The following B4GALT7 variants were observed in gnomAD, a reference collection of about 807,000 sequenced individuals.
B4GALT7 encodes beta-1,4-galactosyltransferase 7.
In B4GALT7, 30 loss-of-function variants were observed where a neutral mutation model predicts 33.0. The ratio of observed to expected loss-of-function variants is 0.91; its 90% CI spans 0.68 to 1.23. B4GALT7 has a LOEUF of 1.23. Among genes scored for constraint, B4GALT7 ranks in the 50% most tolerant of loss-of-function variants. B4GALT7 has a pLI of 0.00. For synonymous variants in B4GALT7, 213 were observed against 187.2 expected, an observed-to-expected ratio of 1.14 and a Z score of -1.13; for missense variants, 507 against 450.8, an observed-to-expected ratio of 1.12 and a Z score of -1.13.
Position 177,606,773 on chromosome 5 carries a change from C to A in B4GALT7, c.414-529C>A. The A allele has an allele frequency of 3.9e-6, 1 of 255,824 alleles. No individual in the cohort carries two copies. The highest frequency in any genetic ancestry group is 7.8e-6 in the Non-Finnish European group (1 of 128,742). The allele number at this position is 255,824 out of a possible 1,614,324, so 15.8% of individuals were successfully genotyped here. ...CACCCCCAACATCCCCACCTCTGCC[C>A]TCGCCCTGCCCAGCTGCCCGTTGGT... On this transcript the variant is annotated intron_variant, in intron 2 of 5. Transcript: ENST00000029410. This position sits in a 1 kb window ranked among gnomAD's most constrained non-coding sequence, Gnocchi z 4.2.
intron 2 of B4GALT7, 166 bp from the exon 3 acceptor site, chr5:177,607,136 G>T (rs1048879998): frequency 2.5e-5 from 17 of 687,674 alleles, no homozygotes; most frequent in East Asian, 1.4e-4. Flanking sequence ...CACATAGTGG[G>T]TGCTTAGTAA....
In B4GALT7 at chr5:177,600,799, C is replaced by T. The variant is rs1196477416; in HGVS notation, c.50+539C>T. Among the ~76,000 whole-genome samples the T allele has an allele frequency of 6.6e-6, 1 of 152,134 alleles. No homozygotes were observed. Among genetic ancestry groups the T allele is most frequent in the African/African-American group, 2.4e-5 (1 of 41,432 alleles). On this transcript the variant is annotated intron_variant, in intron 1 of 5. Coordinates refer to ENST00000029410, the MANE Select transcript of B4GALT7 (RefSeq NM_007255.3). This position sits in a 1 kb window ranked among gnomAD's most constrained non-coding sequence, Gnocchi z 4.4. ...ACACTTCCCCCCATCCTTCGCAGGC[C>T]ACCAGCAGAACCCACCAGACAGAAG...
chr5:177,605,613 T>C (rs113576316), intron 2 of B4GALT7, among the ~76,000 whole-genome samples: 4,058 of 152,306 alleles, frequency 0.027, 87 homozygotes, highest in Admixed American at 0.041. Context: ...CTGTCCGGGC[T>C]GACTCCCACC....
At position 177,604,090 on chromosome 5, in the gene B4GALT7, G is replaced by T. The variant is rs994046671; in HGVS notation, c.51-89G>T. ...GGTGCTTGGGGTAGACGAGTTATGT[G>T]CAGCCTCCTCGTGGGGAGGCCAGAG... On this transcript the variant is annotated intron_variant, in intron 1 of 5. Coordinates refer to ENST00000029410, the MANE Select transcript of B4GALT7 (RefSeq NM_007255.3). 1.0e-5 allele frequency: 16 copies of T among 1,577,682 alleles called. No individual in the cohort carries two copies. In the Admixed American group the frequency reaches 2.0e-4, roughly 20 times the overall value.
At chr5:177,607,926 A>G in intron 3 of B4GALT7, 1 of 301,492 alleles carries the variant, frequency 3.3e-6, no homozygotes, top group Non-Finnish European at 6.4e-6. Context: ...GGCTGGTGGG[A>G]GATGGGGCCC....
At chr5:177,602,615 A>G (rs1767874984) in intron 1 of B4GALT7, among the ~76,000 whole-genome samples, 1 of 152,126 alleles carries the variant, frequency 6.6e-6, no homozygotes, top group African/African-American at 2.4e-5. Flanking sequence ...TTCAGGCAGA[A>G]GGAGCAGGCT....
chr5:177,601,337 G>A (rs1163474029), intron 1 of B4GALT7: 1 of 152,206 alleles, frequency 6.6e-6, no homozygotes, highest in Non-Finnish European at 1.5e-5. Context: ...GCAGGGCTGT[G>A]TGAGGATTAA....
rs1768072622 is a variant in B4GALT7 at position 177,608,348 on chromosome 5, C to T, written c.640-191C>T. ...GTGAGCCTCTCACACAGGTTCAAGG[C>T]CCCGTGAGAACGGGAGAGGGCCCGG... On this transcript the variant is annotated intron_variant, in intron 3 of 5. Coordinates refer to ENST00000029410, the MANE Select transcript of B4GALT7 (RefSeq NM_007255.3). The surrounding 1 kb of genome is among the most constrained non-coding windows in gnomAD (Gnocchi z 4.1). 2 of 599,564 alleles carry T rather than the reference C, an allele frequency of 3.3e-6. No homozygotes were observed. Among genetic ancestry groups the T allele is most frequent in the Admixed American group, 5.6e-5 (2 of 35,496 alleles). The allele number at this position is 599,564 out of a possible 1,614,324, so 37.1% of individuals were successfully genotyped here. A position where few individuals can be genotyped will look rare whatever the true frequency, so the allele number is the denominator to read the frequency against.
At position 177,609,996 on chromosome 5, in the gene B4GALT7, T is replaced by A; in HGVS notation, c.*301T>A. On this transcript the variant is annotated 3_prime_UTR_variant, in exon 6 of 6. Coordinates refer to ENST00000029410, the MANE Select transcript of B4GALT7 (RefSeq NM_007255.3). ...GACCTCCTTCACGTGCCCAGGCCTG[T>A]GGGTAGTGGGGAGGGCTGAACAGGA... The A allele has an allele frequency of 2.2e-6, 1 of 461,414 alleles. No homozygotes were observed. The highest frequency in any genetic ancestry group is 4.0e-6 in the Non-Finnish European group (1 of 248,244). The allele number at this position is 461,414 out of a possible 1,614,324, so 28.6% of individuals were successfully genotyped here.
intron 1 of B4GALT7, chr5:177,602,825 G>A (rs1489759661): frequency 1.0e-6 from 1 of 983,814 alleles, no homozygotes; most frequent in African/African-American, 1.7e-5. Flanking sequence ...TCTGAGCAGG[G>A]CAAGGAACAG....
chr5:177,608,574 C>T lies in B4GALT7; in HGVS notation c.675C>T (p.Gly225=). The stretch of plus-strand genomic sequence containing the variant: ...TGTCCAACCGCTTCTGGGGCTGGGG[C>T]CGCGAGGACGACGAGTTCTACCGGC... The part of the protein sequence containing the change: ...NGMSNRFWGW[G]REDDEFYRRI... The change falls in exon 4 of 6, where the codon GGC becomes GGT. Residue 225 remains glycine (G), a synonymous_variant. Transcript: ENST00000029410. The surrounding 1 kb of genome is among the most constrained non-coding windows in gnomAD (Gnocchi z 4.1). 6.2e-7 allele frequency: 1 copy of T among 1,613,612 alleles called. No homozygotes were observed. The highest frequency in any genetic ancestry group is 8.5e-7 in the Non-Finnish European group (1 of 1,179,958).
At chr5:177,604,603 C>T in intron 2 of B4GALT7, 62 bp downstream of exon 2, 1 of 1,605,910 alleles carries the variant, frequency 6.2e-7, no homozygotes, top group African/African-American at 1.3e-5. Flanking sequence ...TTCTCAGGCC[C>T]TGTGAGAGGC....
Position 177,604,489 on chromosome 5 carries a change from A to T in B4GALT7, c.361A>T (p.Arg121Trp). The T allele has an allele frequency of 6.2e-7, 1 of 1,613,988 alleles. No homozygotes were observed. Among genetic ancestry groups the T allele is most frequent in the South Asian group, 1.1e-5 (1 of 91,090 alleles). Residue 121 changes from arginine to tryptophan, a missense_variant, in exon 2 of 6, where the codon AGG (arginine) becomes TGG (tryptophan). Physicochemically the swap from Arg to Trp is moderately radical, Grantham distance 101. Transcript: ENST00000029410. Reference sequence around the variant, plus strand: ...GCCCCACATGCGCCGCTTCCTGAGCAGGAAGAAGATCCGGCACCACATCTA... The same window carrying T: ...GCCCCACATGCGCCGCTTCCTGAGCTGGAAGAAGATCCGGCACCACATCTA... ...FVPHMRRFLS[R>W]KKIRHHIYVL... is the part of the protein sequence containing the mutation.
intron 3 of B4GALT7, chr5:177,607,875 G>T: frequency 2.6e-6 from 1 of 385,222 alleles, no homozygotes; most frequent in South Asian, 2.3e-5. Flanking sequence ...TTATTGGCAA[G>T]GTGGTGGTTG....
intron 2 of B4GALT7, 24 bp downstream of exon 2, chr5:177,604,565 C>T (rs927013973): frequency 1.2e-6 from 2 of 1,612,948 alleles, no homozygotes; most frequent in East Asian, 2.2e-5. Context: ...CCACCCTCTC[C>T]CCTCGGCACC....
chr5:177,601,311 T>C (rs921051525), intron 1 of B4GALT7: 4 of 152,232 alleles, frequency 2.6e-5, no homozygotes, highest in Non-Finnish European at 5.9e-5. Context: ...GAGCCAGTTA[T>C]GACAGTATTG....
Position 177,604,409 on chromosome 5 carries a change from G to T in B4GALT7, c.281G>T (p.Arg94Leu), listed in dbSNP as rs369809779. ...GAAGACGCATCCTGGGGCCCCCACCGCCTGGCAGTGCTGGTGCCCTTCCGC... is the reference window on the plus strand; with the variant it reads ...GAAGACGCATCCTGGGGCCCCCACCTCCTGGCAGTGCTGGTGCCCTTCCGC... ...WEEDASWGPH[R>L]LAVLVPFRER... Residue 94 changes from arginine (R) to leucine (L), a missense_variant, in exon 2 of 6, where the codon CGC becomes CTC. Coordinates refer to ENST00000029410, the MANE Select transcript of B4GALT7 (RefSeq NM_007255.3). The T allele has an allele frequency of 2.5e-6, 4 of 1,613,670 alleles. No individual in the cohort carries two copies. In the Admixed American group the frequency reaches 5.0e-5, roughly 20 times the overall value.
intron 3 of B4GALT7, 36 bp downstream of exon 3, chr5:177,607,563 GA>G: frequency 6.3e-7 from 1 of 1,584,564 alleles, no homozygotes; most frequent in Non-Finnish European, 8.6e-7. Flanking sequence ...TCAGAGCCGG[GA>G]GCTCCCTCCA....
intron 2 of B4GALT7, chr5:177,607,080 C>G: frequency 1.6e-6 from 1 of 614,582 alleles, no homozygotes; most frequent in Non-Finnish European, 2.9e-6. Context: ...GAGAACAGGG[C>G]CTGGTTTTTC....
Sources: allele counts gnomAD v4.1 joint callset (sites outside exome capture counted in the v4.1 genomes callset), GRCh38; gene constraint gnomAD v4.1.1; non-coding constraint Gnocchi (gnomAD v3.1); transcripts MANE v1.5; gene names NCBI Gene and HGNC (gene_info 2026-07-23, HGNC 2026-07-21).